The following PIGU variants were observed in gnomAD, a reference collection of about 807,000 sequenced individuals.
PIGU encodes the protein GPI-anchor transamidase component PIGU.
PIGU carries 24 observed loss-of-function variants against 49.9 expected under a neutral mutation model. That is an observed-to-expected ratio of 0.48 (90% confidence interval 0.35 to 0.68). The LOEUF (loss-of-function observed/expected upper bound fraction) is 0.68. PIGU is among the 30% of genes least tolerant of loss of function. The pLI is 0.01. For missense variants in PIGU, 490 were observed against 532.6 expected (o/e 0.92, Z 0.79); for synonymous variants, 220 against 205.7 (o/e 1.07, Z -0.59).
intron 9 of PIGU, among the ~76,000 whole-genome samples, chr20:34,583,816 T>C (rs1983584595): frequency 6.6e-6 from 1 of 152,158 alleles, no homozygotes; most frequent in Non-Finnish European, 1.5e-5. Flanking sequence ...GGCTGTGTCA[T>C]GGGAAGGAAG....
intron 7 of PIGU, among the ~76,000 whole-genome samples, chr20:34,613,081 C>T (rs1984881464): frequency 6.6e-6 from 1 of 152,160 alleles, no homozygotes; most frequent in African/African-American, 2.4e-5. Flanking sequence ...CCCCCACATA[C>T]AGACGGTTAC....
rs117807526 is a variant in PIGU at position 34,648,401 on chromosome 20, A to C, written c.196-3067T>G. 3.5e-3 allele frequency among the ~76,000 whole-genome samples: 535 copies of C among 152,194 alleles called. 1 individual carries two copies. Among genetic ancestry groups the C allele is most frequent in the Middle Eastern group, 0.024 (7 of 294 alleles). ...TTATCATTATAAAATAATCCTCTTC[A>C]TCTCTAGTAAGGTTTCTTGTCTTAA... On this transcript the variant is annotated intron_variant, in intron 2 of 11. Coordinates refer to ENST00000217446, the MANE Select transcript of PIGU (RefSeq NM_080476.5).
chr20:34,658,127 C>T (rs529751269), intron 1 of PIGU, among the ~76,000 whole-genome samples: 2 of 152,290 alleles, frequency 1.3e-5, no homozygotes, highest in Non-Finnish European at 2.9e-5. Context: ...CCAGTGCCTG[C>T]GATTGCAGGC....
In PIGU at chr20:34,657,213, T is replaced by C. The variant is rs766757595; in HGVS notation, c.162A>G (p.Gly54=). 1.1e-5 allele frequency: 17 copies of C among 1,612,808 alleles called. No individual in the cohort carries two copies. Among genetic ancestry groups the C allele is most frequent in the Admixed American group, 1.0e-4 (6 of 59,954 alleles). The part of the protein sequence containing the change: ...VVEGLSLLDL[G]VSPYSGAVFH... ...ATACTGCTCCAGAATACGGAGATAC[T>C]CCCAAGTCCAACAGTGAAAGGCCTT... is the stretch of plus-strand genomic sequence containing the variant. The change falls in exon 2 of 12, where the codon GGA becomes GGG. Residue 54 remains glycine, a synonymous_variant. Transcript: ENST00000217446.
chr20:34,562,981 C>T (rs1428052850), intron 11 of PIGU, among the ~76,000 whole-genome samples: 3 of 152,214 alleles, frequency 2.0e-5, no homozygotes, highest in Non-Finnish European at 4.4e-5. Context: ...CCACAACAAT[C>T]AAAACGAAGC....
At chr20:34,639,168 G>A (rs1471497320) in intron 4 of PIGU, among the ~76,000 whole-genome samples, 2 of 152,116 alleles carry the variant, frequency 1.3e-5, no homozygotes, top group East Asian at 1.9e-4. Context: ...TTGGGAGGCC[G>A]AGGCAGGCAG....
intron 11 of PIGU, among the ~76,000 whole-genome samples, chr20:34,573,218 T>C (rs1483543288): frequency 2.0e-5 from 3 of 152,112 alleles, no homozygotes; most frequent in Non-Finnish European, 4.4e-5. Context: ...TATTACTTGA[T>C]GATTTAAAAT....
At chr20:34,561,074 C>T (rs538223474) in intron 11 of PIGU, 95 bp from the exon 12 acceptor site, 145 of 831,954 alleles carry the variant, frequency 1.7e-4, no homozygotes, top group Admixed American at 9.1e-4. Flanking sequence ...AAGACAGGAA[C>T]GCCCCTGCCT....
intron 7 of PIGU, among the ~76,000 whole-genome samples, chr20:34,612,345 G>A (rs551919594): frequency 6.6e-6 from 1 of 152,148 alleles, no homozygotes; most frequent in South Asian, 2.1e-4. Flanking sequence ...CACACACTGG[G>A]GCCTGTCATG....
chr20:34,598,121 A>G (rs533702412), intron 7 of PIGU, among the ~76,000 whole-genome samples: 2 of 152,268 alleles, frequency 1.3e-5, no homozygotes, highest in Admixed American at 1.3e-4. Context: ...TGCAGTGTAG[A>G]AGGAGGACGT....
chr20:34,611,988 A>G (rs541332961), intron 7 of PIGU, among the ~76,000 whole-genome samples: 1 of 152,328 alleles, frequency 6.6e-6, no homozygotes, highest in African/African-American at 2.4e-5. Flanking sequence ...ATACCATTTG[A>G]CCCAGCAATC....
At chr20:34,586,463 G>A (rs1983703467) in intron 8 of PIGU, among the ~76,000 whole-genome samples, 1 of 152,214 alleles carries the variant, frequency 6.6e-6, no homozygotes, top group Non-Finnish European at 1.5e-5. Flanking sequence ...CTAAGGCAGA[G>A]CATGAAGAGC....
At chr20:34,642,723 C>T (rs1156833317) in intron 4 of PIGU, among the ~76,000 whole-genome samples, 1 of 140,416 alleles carries the variant, frequency 7.1e-6, no homozygotes, top group Non-Finnish European at 1.5e-5. Flanking sequence ...TGCACACACA[C>T]AAGTTTATTT....
At chr20:34,673,343 A>G (rs1157459345) in intron 1 of PIGU, among the ~76,000 whole-genome samples, 3 of 151,980 alleles carry the variant, frequency 2.0e-5, no homozygotes, top group Admixed American at 6.6e-5. Flanking sequence ...TTTAGGGTTT[A>G]TATAATCAGC....
intron 2 of PIGU, among the ~76,000 whole-genome samples, chr20:34,650,700 C>CTTTTTTTTGTTTTTTTTTTTTTTTT (rs1986510100): frequency 2.6e-5 from 1 of 38,778 alleles, no homozygotes. Flanking sequence ...CTTTTTTTCT[C>CTTTTTTTTGTTTTTTTTTTTTTTTT]TTTTTTTTTT....
chr20:34,579,892 C>A (rs1358449550), intron 10 of PIGU, among the ~76,000 whole-genome samples: 1 of 152,220 alleles, frequency 6.6e-6, no homozygotes, highest in Non-Finnish European at 1.5e-5. Context: ...GACTCCCCTG[C>A]ATAATTATTA....
chr20:34,676,688 G>C (rs1987511273), intron 1 of PIGU, among the ~76,000 whole-genome samples: 1 of 152,134 alleles, frequency 6.6e-6, no homozygotes, highest in African/African-American at 2.4e-5. Context: ...TCAGGACACT[G>C]AATGGGACAC....
chr20:34,670,734 G>A (rs1475636546), intron 1 of PIGU, among the ~76,000 whole-genome samples: 1 of 151,626 alleles, frequency 6.6e-6, no homozygotes, highest in East Asian at 1.9e-4. Flanking sequence ...TGTAGAGGTG[G>A]GGTTTCACCA....
chr20:34,563,818 G>A (rs1982632381), intron 11 of PIGU, among the ~76,000 whole-genome samples: 1 of 152,168 alleles, frequency 6.6e-6, no homozygotes, highest in Non-Finnish European at 1.5e-5. Flanking sequence ...GAGAGACCTG[G>A]CCAACACTAT....
Sources: allele counts gnomAD v4.1 joint callset (sites outside exome capture counted in the v4.1 genomes callset), GRCh38; gene constraint gnomAD v4.1.1; transcripts MANE v1.5; gene names NCBI Gene and HGNC (gene_info 2026-07-23, HGNC 2026-07-21).